The following CTCFL variants were observed in gnomAD, a reference collection of about 807,000 sequenced individuals.
CTCFL encodes CCCTC-binding factor like.
A neutral mutation model predicts 67.4 loss-of-function variants in CTCFL; 36 were observed. The observed-to-expected ratio is 0.53, with a 90% CI of 0.41 to 0.71. The LOEUF is 0.71. Ranked by LOEUF, CTCFL falls within the 30% of genes least tolerant of loss-of-function variation. CTCFL has a pLI of 0.00. For synonymous variants in CTCFL, 324 were observed against 302.3 expected (o/e 1.07, Z -0.75); for missense variants, 786 against 835.2 (o/e 0.94, Z 0.73).
chr20:57,503,064 C>G (rs1181644003), intron 10 of CTCFL, among the ~76,000 whole-genome samples: 2 of 152,192 alleles, frequency 1.3e-5, no homozygotes, highest in African/African-American at 4.8e-5. Context: ...CTGCCCACAC[C>G]TGGATTGAGG....
intron 5 of CTCFL, chr20:57,518,354 A>G: frequency 2.6e-6 from 1 of 379,024 alleles, no homozygotes; most frequent in South Asian, 4.7e-5. Flanking sequence ...ATCTTCGAGC[A>G]AGCTGCTTTG....
intron 10 of CTCFL, chr20:57,500,000 C>T (rs1313773942): frequency 1.0e-6 from 1 of 986,676 alleles, no homozygotes; most frequent in African/African-American, 1.7e-5. Flanking sequence ...CTTTCCCAAA[C>T]ATCCACAGAG....
Position 57,497,503 on chromosome 20 carries a change from T to A in CTCFL, c.*1047A>T. 1 of 985,428 alleles carries A rather than the reference T, an allele frequency of 1.0e-6. No individual in the cohort carries two copies. The highest frequency in any genetic ancestry group is 1.2e-6 in the Non-Finnish European group (1 of 829,922). The allele number at this position is 985,428 out of a possible 1,614,324, so 61.0% of individuals were successfully genotyped here. On this transcript the variant is annotated 3_prime_UTR_variant, in exon 11 of 11. Coordinates refer to ENST00000243914, the MANE Select transcript of CTCFL (RefSeq NM_001386993.1). ...GAGACAGGTTGGCAGCAAAACAAACTGCTCAACTAAGCAATGAAGAAAAAT... is the reference window on the plus strand; with the variant it reads ...GAGACAGGTTGGCAGCAAAACAAACAGCTCAACTAAGCAATGAAGAAAAAT...
intron 8 of CTCFL, among the ~76,000 whole-genome samples, chr20:57,511,525 T>A (rs2068552028): frequency 6.6e-6 from 1 of 152,122 alleles, no homozygotes; most frequent in Admixed American, 6.6e-5. Context: ...GTTATGCAGA[T>A]CTTCTAAATG....
intron 10 of CTCFL, among the ~76,000 whole-genome samples, chr20:57,501,333 G>A (rs534103082): frequency 3.2e-4 from 48 of 151,670 alleles, no homozygotes; most frequent in Non-Finnish European, 5.4e-4. Context: ...CTGAAGATAC[G>A]GAGCATGTTT....
In CTCFL at chr20:57,518,666, TAAC is replaced by T. The variant is rs368021548; in HGVS notation, c.1059+89_1059+91del. ...ATATGAATAATAAAAAGCCTGTTTG[TAAC>T]AGATTCTACTGTTAGTTACACTTGG... On this transcript the variant is annotated intron_variant, in intron 5 of 10. Transcript: ENST00000243914. 19 of 1,607,320 alleles carry T rather than the reference TAAC, an allele frequency of 1.2e-5. No individual in the cohort carries two copies. In the African/African-American group the frequency reaches 2.0e-4, roughly 17 times the overall value.
intron 8 of CTCFL, among the ~76,000 whole-genome samples, chr20:57,509,798 C>T (rs1049883438): frequency 3.9e-5 from 6 of 152,218 alleles, no homozygotes; most frequent in Admixed American, 1.3e-4. Flanking sequence ...GCTTTCACCT[C>T]ATCACCCTCC....
At chr20:57,502,030 G>T (rs2067944252) in intron 10 of CTCFL, among the ~76,000 whole-genome samples, 1 of 152,224 alleles carries the variant, frequency 6.6e-6, no homozygotes, top group South Asian at 2.1e-4. Context: ...GGAGAAAGGA[G>T]GGTGCTCCGC....
Position 57,523,263 on chromosome 20 carries a change from C to T in CTCFL, c.559G>A (p.Glu187Lys), listed in dbSNP as rs777243739. The change falls in exon 3 of 11, where the codon GAG (glutamate) becomes AAG (lysine). Residue 187 changes from glutamate (E) to lysine (K), a missense_variant. This residue lies in a region of CTCFL where 333 missense variants were observed against 304.6 expected (regional missense o/e 1.09). Transcript: ENST00000243914. ...CTTTCAGCCAATAACTGGTTCTTCTCCTGCTCTTCCTCGAGCTAATAAACA... is the reference window on the plus strand; with the variant it reads ...CTTTCAGCCAATAACTGGTTCTTCTTCTGCTCTTCCTCGAGCTAATAAACA... ...TGLIKLEEEQ[E>K]KNQLLAERTK... 2 of 1,613,536 alleles carry T rather than the reference C, an allele frequency of 1.2e-6. No individual in the cohort carries two copies. Among genetic ancestry groups the T allele is most frequent in the Non-Finnish European group, 1.7e-6 (2 of 1,179,808 alleles).
chr20:57,498,518 T>C lies in CTCFL; in HGVS notation c.*32A>G. On this transcript the variant is annotated 3_prime_UTR_variant, in exon 11 of 11. Coordinates refer to ENST00000243914, the MANE Select transcript of CTCFL (RefSeq NM_001386993.1). The stretch of plus-strand genomic sequence containing the variant: ...AAAACTTCTAACTTGCTTTAGGAAT[T>C]GGGGGCAGTGAACACGCAACCCGAA... The C allele has an allele frequency of 1.3e-6, 2 of 1,598,542 alleles. No homozygotes were observed. The highest frequency in any genetic ancestry group is 1.7e-6 in the Non-Finnish European group (2 of 1,170,312).
intron 10 of CTCFL, among the ~76,000 whole-genome samples, 153 bp from the exon 11 acceptor site, chr20:57,498,854 C>T (rs1164901879): frequency 2.6e-5 from 4 of 152,160 alleles, no homozygotes; most frequent in Non-Finnish European, 4.4e-5. Flanking sequence ...TGGTACTATT[C>T]TGATCTCAAC....
intron 10 of CTCFL, chr20:57,500,283 C>A: frequency 1.2e-6 from 1 of 814,924 alleles, no homozygotes; most frequent in Non-Finnish European, 1.7e-6. Flanking sequence ...AAAACCCCAT[C>A]TCTACTAAAA....
intron 9 of CTCFL, among the ~76,000 whole-genome samples, chr20:57,505,404 T>A (rs566074053): frequency 6.6e-6 from 1 of 151,592 alleles, no homozygotes; most frequent in Non-Finnish European, 1.5e-5. Flanking sequence ...TACAGGCATG[T>A]GCCACCACGC....
rs928342063 is a variant in CTCFL at position 57,518,432 on chromosome 20, A to G, written c.1059+326T>C. 1.6e-5 allele frequency: 17 copies of G among 1,064,784 alleles called. No homozygotes were observed. The African/African-American group carries it at 2.6e-4, about 16-fold the overall frequency. 66.0% of individuals were successfully genotyped at this position (1,064,784 alleles called of 1,614,324 possible). ...ATCTGCATTCTACGTTAGAGCAAAT[A>G]CATTTTGATTTTGTGGCCCAGAGTA... On this transcript the variant is annotated intron_variant, in intron 5 of 10. Coordinates refer to ENST00000243914, the MANE Select transcript of CTCFL (RefSeq NM_001386993.1).
At chr20:57,499,955 G>A in intron 10 of CTCFL, 1 of 986,510 alleles carries the variant, frequency 1.0e-6, no homozygotes, top group Non-Finnish European at 1.2e-6. Context: ...CGGCTGGGGG[G>A]TTGGGGAGCC....
chr20:57,501,971 T>C (rs1222982167), intron 10 of CTCFL, among the ~76,000 whole-genome samples: 1 of 152,222 alleles, frequency 6.6e-6, no homozygotes, highest in Non-Finnish European at 1.5e-5. Flanking sequence ...CCTGTGGTCA[T>C]GATAAGAAGG....
intron 7 of CTCFL, chr20:57,513,343 A>C: frequency 1.0e-6 from 1 of 986,342 alleles, no homozygotes; most frequent in South Asian, 4.7e-5. Flanking sequence ...TCTAAGTCTA[A>C]AGCATGATGG....
chr20:57,514,020 T>G, intron 7 of CTCFL: 1 of 642,038 alleles, frequency 1.6e-6, no homozygotes, highest in Non-Finnish European at 2.3e-6. Context: ...TCCCACTCTG[T>G]GGGGTGTGAC....
At chr20:57,496,353 C>T, downstream of CTCFL, 1 of 659,140 alleles carries the variant, frequency 1.5e-6, no homozygotes. Context: ...CCTTCCTGTA[C>T]AGCCTGCGGA....
Sources: gnomAD v4.1 joint callset for allele counts (sites outside exome capture counted in the v4.1 genomes callset) on GRCh38, gnomAD v4.1.1 for gene constraint, gnomAD v4.1.1 regional missense constraint, MANE v1.5 for transcripts, NCBI Gene and HGNC (gene_info 2026-07-23, HGNC 2026-07-21) for gene names.